Variants in AFF3 observed in about 807,000 individuals in gnomAD.
The protein encoded by AFF3 is AF4/FMR2 family member 3.
Under a neutral mutation model 129.7 loss-of-function variants are expected in AFF3, and 32 were observed. The observed-to-expected ratio is 0.25, with a 90% confidence interval of 0.19 to 0.33. The LOEUF (loss-of-function observed/expected upper bound fraction) is 0.33, where lower values mean the gene tolerates loss of function less well. AFF3 is among the 10% of genes least tolerant of loss of function. The pLI is 1.00. For missense variants in AFF3, 1,373 were observed against 1,592.0 expected, an observed-to-expected ratio of 0.86 and a Z score of 2.34; for synonymous variants, 644 against 635.4, an observed-to-expected ratio of 1.01 and a Z score of -0.20.
chr2:99,567,862 T>G (rs763684818), intron 19 of AFF3, among the ~76,000 whole-genome samples: 13 of 152,224 alleles, frequency 8.5e-5, no homozygotes, highest in Admixed American at 2.6e-4. Context: ...CTCTTTCTCC[T>G]TAAAAATCTG....
At chr2:99,838,810 A>C (rs1448742103) in intron 7 of AFF3, among the ~76,000 whole-genome samples, 1 of 152,236 alleles carries the variant, frequency 6.6e-6, no homozygotes, top group Non-Finnish European at 1.5e-5. Context: ...AATCAGCACT[A>C]GGACTTTAAA....
At chr2:99,912,604 C>T (rs376908899) in intron 7 of AFF3, among the ~76,000 whole-genome samples, 90 of 152,124 alleles carry the variant, frequency 5.9e-4, no homozygotes, top group African/African-American at 2.1e-3. Context: ...AATGGGCCCT[C>T]GAGATCAGAA....
At chr2:99,671,465 A>C (rs193092625) in intron 12 of AFF3, among the ~76,000 whole-genome samples, 1 of 152,074 alleles carries the variant, frequency 6.6e-6, no homozygotes, top group African/African-American at 2.4e-5. Context: ...CTCCCATGAC[A>C]TGAGTAACCT....
chr2:99,703,128 T>C (rs1214945806), intron 11 of AFF3, among the ~76,000 whole-genome samples: 1 of 152,236 alleles, frequency 6.6e-6, no homozygotes, highest in African/African-American at 2.4e-5. Flanking sequence ...TCAGTATCAC[T>C]GGGCTAACAT....
At position 99,587,197 on chromosome 2, in the gene AFF3, T is replaced by C. The variant is rs191378005; in HGVS notation, c.2548A>G (p.Ser850Gly). 16 of 1,614,218 alleles carry C rather than the reference T, an allele frequency of 9.9e-6. No homozygotes were observed. In the Admixed American group the frequency reaches 2.5e-4, roughly 25 times the overall value. The stretch of plus-strand genomic sequence containing the variant: ...CAGTGGTTTGCAGACAAAGTATTAC[T>C]GGTGGAGGTGGCCAGTCTTGAAGAG... Reference protein sequence around the residue: ...DSSSRLATSTSNTLSANHCNM... With the variant: ...DSSSRLATSTGNTLSANHCNM... Residue 850 changes from serine to glycine, a missense_variant, in exon 16 of 25, where the codon AGT becomes GGT. Ser to Gly is a moderately conservative substitution (Grantham distance 56, BLOSUM62 0). This residue lies in a region of AFF3 where 466 missense variants were observed against 505.0 expected (regional missense o/e 0.92). Transcript: ENST00000672756.
intron 18 of AFF3, among the ~76,000 whole-genome samples, chr2:99,575,067 T>C (rs919488651): frequency 6.6e-6 from 1 of 152,102 alleles, no homozygotes; most frequent in South Asian, 2.1e-4. Flanking sequence ...TGCCTCTCTC[T>C]CCCCTGAAGA....
intron 7 of AFF3, among the ~76,000 whole-genome samples, chr2:99,868,016 C>CTTTTTTTTTTTT (rs531223035): frequency 2.2e-5 from 3 of 136,166 alleles, no homozygotes; most frequent in Non-Finnish European, 1.5e-5. Flanking sequence ...CTCTTTCTTT[C>CTTTTTTTTTTTT]CTTTTTTTTT....
intron 14 of AFF3, among the ~76,000 whole-genome samples, chr2:99,597,617 A>G (rs1477721374): frequency 2.0e-5 from 3 of 152,232 alleles, no homozygotes; most frequent in African/African-American, 7.2e-5. Flanking sequence ...CTCACAGGTT[A>G]GGCAGAGCAT....
intron 2 of AFF3, among the ~76,000 whole-genome samples, chr2:100,120,784 C>G (rs992360052): frequency 6.6e-6 from 1 of 152,042 alleles, no homozygotes; most frequent in African/African-American, 2.4e-5. Context: ...GCCTCCATGC[C>G]ACCATAACTG....
intron 7 of AFF3, among the ~76,000 whole-genome samples, chr2:99,997,814 T>G (rs1457803759): frequency 6.6e-6 from 1 of 152,214 alleles, no homozygotes; most frequent in Non-Finnish European, 1.5e-5. Context: ...CCACCTGGCA[T>G]GTGCCTTCTC....
intron 19 of AFF3, among the ~76,000 whole-genome samples, chr2:99,568,504 C>T (rs1488900850): frequency 6.6e-6 from 1 of 152,052 alleles, no homozygotes; most frequent in East Asian, 1.9e-4. Context: ...TGGGACCAAG[C>T]CAAGGGTTTG....
At chr2:99,727,827 G>A (rs1204137227) in intron 10 of AFF3, among the ~76,000 whole-genome samples, 1 of 152,216 alleles carries the variant, frequency 6.6e-6, no homozygotes. Flanking sequence ...CTCTCAAAGT[G>A]TTGGAATTAC....
intron 13 of AFF3, among the ~76,000 whole-genome samples, chr2:99,645,159 G>GC (rs1044271407): frequency 5.9e-5 from 9 of 152,004 alleles, no homozygotes; most frequent in East Asian, 1.9e-4. Context: ...ACATGGTGAA[G>GC]CCCCCCCTCT....
chr2:99,565,506 C>T lies in AFF3; in HGVS notation c.3100G>A (p.Glu1034Lys), dbSNP rs1485578809. ...GCTTACCTGATGAGCTCTACTGTTT[C>T]TGAATACATCGTATAAGGAGATTTG... is the stretch of plus-strand genomic sequence containing the variant. ...ESKSPYTMYS[E>K]TVELIRYAMR... The change falls in exon 20 of 25, where the codon GAA becomes AAA. Residue 1034 changes from glutamate to lysine, a missense_variant. Physicochemically the swap from Glu to Lys is moderately conservative, Grantham distance 56. Around this residue, in one of 9 missense-constraint regions of AFF3, gnomAD observed 65 missense variants for 102.1 expected, o/e 0.64. Transcript: ENST00000672756. The T allele has an allele frequency of 6.2e-7, 1 of 1,614,212 alleles. No individual in the cohort carries two copies. Among genetic ancestry groups the T allele is most frequent in the South Asian group, 1.1e-5 (1 of 91,084 alleles).
chr2:99,920,888 A>T (rs538266909), intron 7 of AFF3, among the ~76,000 whole-genome samples: 11 of 152,126 alleles, frequency 7.2e-5, no homozygotes, highest in Non-Finnish European at 1.6e-4. Context: ...TGCTTTTTAC[A>T]AGAGTATGAA....
At chr2:99,917,024 A>G (rs1695517981) in intron 7 of AFF3, among the ~76,000 whole-genome samples, 1 of 152,046 alleles carries the variant, frequency 6.6e-6, no homozygotes, top group African/African-American at 2.4e-5. Flanking sequence ...CCAACAACAG[A>G]CTCAAACTTC....
At chr2:99,621,224 C>T (rs1307839751) in intron 13 of AFF3, among the ~76,000 whole-genome samples, 1 of 152,234 alleles carries the variant, frequency 6.6e-6, no homozygotes, top group African/African-American at 2.4e-5. Context: ...GAGTCACAGA[C>T]AATTCACTCC....
At chr2:99,832,588 A>C (rs931245526) in intron 8 of AFF3, among the ~76,000 whole-genome samples, 11 of 152,372 alleles carry the variant, frequency 7.2e-5, no homozygotes, top group African/African-American at 2.6e-4. Flanking sequence ...CCAAAGGATT[A>C]GCATAATAGC....
At chr2:99,719,048 G>GT (rs1287693587) in intron 11 of AFF3, among the ~76,000 whole-genome samples, 2 of 110,274 alleles carry the variant, frequency 1.8e-5, no homozygotes, top group African/African-American at 6.9e-5. Flanking sequence ...AACGCGCCCG[G>GT]CCTTTTTTTT....
Sources: allele counts gnomAD v4.1 joint callset (sites outside exome capture counted in the v4.1 genomes callset), GRCh38; gene constraint gnomAD v4.1.1; regional missense constraint gnomAD v4.1.1; transcripts MANE v1.5; gene names NCBI Gene and HGNC (gene_info 2026-07-23, HGNC 2026-07-21).